The following STRIP2 variants were observed in gnomAD, a reference collection of about 807,000 sequenced individuals.
The protein encoded by STRIP2 is striatin-interacting protein 2.
Under a neutral mutation model 107.1 loss-of-function variants are expected in STRIP2, and 84 were observed. The observed-to-expected ratio is 0.78, with a 90% CI of 0.66 to 0.94. The LOEUF is 0.94. STRIP2 is among the 40% of genes least tolerant of loss of function. STRIP2 has a pLI of 0.00. For synonymous variants in STRIP2, 394 were observed against 400.4 expected, an observed-to-expected ratio of 0.98 and a Z score of 0.19; for missense variants, 888 against 1,034.2, an observed-to-expected ratio of 0.86 and a Z score of 1.94.
intron 16 of STRIP2, among the ~76,000 whole-genome samples, chr7:129,466,680 G>A (rs897215753): frequency 6.6e-6 from 1 of 152,142 alleles, no homozygotes; most frequent in African/African-American, 2.4e-5. Flanking sequence ...GCAGAATGGA[G>A]TCTCCACATT....
intron 18 of STRIP2, among the ~76,000 whole-genome samples, chr7:129,478,969 T>G (rs1799044699): frequency 6.6e-6 from 1 of 152,130 alleles, no homozygotes. Context: ...GTGTTTCCCT[T>G]GCGTCTTAAA....
rs768360118 is a variant in STRIP2 at position 129,464,592 on chromosome 7, A to G, written c.1650-20A>G. ...CTTTAAGGCCACTCTCTGCACTAAT[A>G]CCTTCTCTCCCCATTGTAGCATCAC... On this transcript the variant is annotated intron_variant, in intron 15 of 20. Coordinates refer to ENST00000249344, the MANE Select transcript of STRIP2 (RefSeq NM_020704.3). 4 of 1,613,704 alleles carry G rather than the reference A, an allele frequency of 2.5e-6. No homozygotes were observed. Among genetic ancestry groups the G allele is most frequent in the East Asian group, 4.5e-5 (2 of 44,864 alleles).
Position 129,440,022 on chromosome 7 carries a change from G to C in STRIP2, c.130G>C (p.Gly44Arg). The change falls in exon 2 of 21, where the codon GGC (glycine) becomes CGC (arginine). Residue 44 changes from glycine (G) to arginine (R), a missense_variant and splice_region_variant. Transcript: ENST00000249344. Reference protein sequence around the residue: ...AFRSQRRESEGSVDCPTLEFE... With the variant: ...AFRSQRRESERSVDCPTLEFE... ...TACCAACAAAATTTCTCTGTTACAG[G>C]GCTCTGTGGACTGTCCCACTCTGGA... The C allele has an allele frequency of 6.2e-7, 1 of 1,613,908 alleles. No homozygotes were observed. The highest frequency in any genetic ancestry group is 8.5e-7 in the Non-Finnish European group (1 of 1,179,838).
At chr7:129,480,755 T>TAA (rs774992321) in intron 18 of STRIP2, 30 bp from the exon 19 acceptor site, 2 of 1,579,032 alleles carry the variant, frequency 1.3e-6, no homozygotes, top group Non-Finnish European at 1.7e-6. Context: ...TTGTAGGTAT[T>TAA]AAGATAATGA....
rs1367493873 is a variant in STRIP2, at chr7:129,478,384, C to T, written c.1945-2401C>T. On this transcript the variant is annotated intron_variant, in intron 18 of 20. Transcript: ENST00000249344. Reference sequence around the variant, plus strand: ...AATTAGCTGGGTGTGGTGGCGGGCACCTGTAATCCCAGCTACTTGGGAGGC... The same window carrying T: ...AATTAGCTGGGTGTGGTGGCGGGCATCTGTAATCCCAGCTACTTGGGAGGC... Among the ~76,000 whole-genome samples the T allele has an allele frequency of 4.6e-5, 7 of 152,072 alleles. No individual in the cohort carries two copies. The South Asian group carries it at 8.3e-4, about 18-fold the overall frequency.
At chr7:129,456,896 G>A (rs888458536) in intron 9 of STRIP2, among the ~76,000 whole-genome samples, 5 of 152,106 alleles carry the variant, frequency 3.3e-5, no homozygotes, top group African/African-American at 1.2e-4. Context: ...CAGAATCATT[G>A]GCCTGGACCT....
chr7:129,472,574 G>A (rs1396582078), intron 18 of STRIP2, among the ~76,000 whole-genome samples: 1 of 152,048 alleles, frequency 6.6e-6, no homozygotes, highest in Admixed American at 6.6e-5. Flanking sequence ...AATTTTGAAT[G>A]AGCCCAGTCA....
At position 129,464,673 on chromosome 7, in the gene STRIP2, G is replaced by A. The variant is rs752064471; in HGVS notation, c.1711G>A (p.Val571Ile). 2 of 1,613,906 alleles carry A rather than the reference G, an allele frequency of 1.2e-6. No individual in the cohort carries two copies. Among genetic ancestry groups the A allele is most frequent in the East Asian group, 2.2e-5 (1 of 44,874 alleles). ...IDVNRHKEII[V>I]KSISTLLLLL... ...TGTGAACAGGCACAAGGAGATTATTGTAAAGAGTATCTCTACCCTGCTTCT... is the reference window on the plus strand; with the variant it reads ...TGTGAACAGGCACAAGGAGATTATTATAAAGAGTATCTCTACCCTGCTTCT... The change falls in exon 16 of 21, where the codon GTA becomes ATA. Residue 571 changes from valine (V) to isoleucine (I), a missense_variant. Val to Ile is a conservative substitution (Grantham distance 29, BLOSUM62 3). Transcript: ENST00000249344.
rs1299449784 is a variant in STRIP2 at position 129,437,811 on chromosome 7, G to GTT, written c.130-2198_130-2197dup. Among the ~76,000 whole-genome samples, 73 of 126,924 alleles carry GTT rather than the reference G, an allele frequency of 5.8e-4. 2 individuals are homozygous for GTT. Among genetic ancestry groups the GTT allele is most frequent in the African/African-American group, 1.4e-3 (50 of 34,924 alleles). 83.3% of individuals were successfully genotyped at this position (126,924 alleles called of 152,430 possible). On this transcript the variant is annotated intron_variant, in intron 1 of 20. Transcript: ENST00000249344. ...AACATGATTCGCCTTGTTTTTTTTT[G>GTT]TTTTTTTTTTTTTTGACAGAGTCTC...
At chr7:129,464,005 GT>G in intron 14 of STRIP2, 38 bp from the exon 15 acceptor site, 1 of 1,544,060 alleles carries the variant, frequency 6.5e-7, no homozygotes, top group Non-Finnish European at 8.9e-7. Context: ...TGCTGAGTGG[GT>G]TTGACAGTGG....
At chr7:129,476,560 A>G (rs1360879303) in intron 18 of STRIP2, among the ~76,000 whole-genome samples, 1 of 126,490 alleles carries the variant, frequency 7.9e-6, no homozygotes, top group Non-Finnish European at 1.7e-5. Context: ...GGGCAGAGGC[A>G]CTCCTCACAT....
intron 18 of STRIP2, among the ~76,000 whole-genome samples, chr7:129,477,079 G>A (rs1012113890): frequency 3.3e-5 from 5 of 151,578 alleles, no homozygotes; most frequent in Admixed American, 2.6e-4. Flanking sequence ...GCAGGCTGAG[G>A]CAGGAGAATC....
intron 14 of STRIP2, among the ~76,000 whole-genome samples, chr7:129,463,486 T>C (rs1193133695): frequency 6.6e-6 from 1 of 151,980 alleles, no homozygotes; most frequent in African/African-American, 2.4e-5. Flanking sequence ...TCTTCCCCTT[T>C]GAAAAGAACA....
chr7:129,463,878 T>C (rs1374183489), intron 14 of STRIP2, among the ~76,000 whole-genome samples, 166 bp from the exon 15 acceptor site: 1 of 152,244 alleles, frequency 6.6e-6, no homozygotes, highest in African/African-American at 2.4e-5. Context: ...CTGTCAGGAC[T>C]GGGCACCTGT....
At chr7:129,471,591 G>T (rs1398057832) in intron 18 of STRIP2, among the ~76,000 whole-genome samples, 4 of 152,190 alleles carry the variant, frequency 2.6e-5, no homozygotes, top group Admixed American at 6.5e-5. Flanking sequence ...AGTCAGAAAA[G>T]TATATTATGC....
Position 129,483,122 on chromosome 7 carries a change from C to T in STRIP2, c.2254+76C>T. Reference sequence around the variant, plus strand: ...AAAACTAAATAAATATTTATCACTCCTCTTTTGGCATGAATTGTTACATAT... The same window carrying T: ...AAAACTAAATAAATATTTATCACTCTTCTTTTGGCATGAATTGTTACATAT... On this transcript the variant is annotated intron_variant, in intron 20 of 20. Transcript: ENST00000249344. The surrounding 1 kb of genome is among the most constrained non-coding windows in gnomAD (Gnocchi z 5.1). 5 of 1,531,432 alleles carry T rather than the reference C, an allele frequency of 3.3e-6. No homozygotes were observed. In the South Asian group the frequency reaches 6.3e-5, roughly 19 times the overall value. 94.9% of individuals were successfully genotyped at this position (1,531,432 alleles called of 1,614,324 possible). A position where few individuals can be genotyped will look rare whatever the true frequency, so the allele number is the denominator to read the frequency against.
intron 18 of STRIP2, among the ~76,000 whole-genome samples, chr7:129,472,833 C>T (rs1167238451): frequency 8.8e-6 from 1 of 113,150 alleles, no homozygotes; most frequent in Non-Finnish European, 1.6e-5. Flanking sequence ...GTCACCCAGG[C>T]TGGAATGCAG....
chr7:129,485,453 T>C, intron 20 of STRIP2, 126 bp from the exon 21 acceptor site: 1 of 767,692 alleles, frequency 1.3e-6, no homozygotes. Flanking sequence ...CATTGCTCTT[T>C]ACAAAAAAAA....
At chr7:129,439,041 C>G (rs998797317) in intron 1 of STRIP2, among the ~76,000 whole-genome samples, 1 of 152,164 alleles carries the variant, frequency 6.6e-6, no homozygotes, top group African/African-American at 2.4e-5. Context: ...CATAATTAAA[C>G]TATTGGCCAC....
Sources: gnomAD v4.1 joint callset for allele counts (sites outside exome capture counted in the v4.1 genomes callset) on GRCh38, gnomAD v4.1.1 for gene constraint, Gnocchi (gnomAD v3.1) non-coding constraint, MANE v1.5 for transcripts, NCBI Gene and HGNC (gene_info 2026-07-23, HGNC 2026-07-21) for gene names.